Variants in MECR observed in about 807,000 individuals in gnomAD.
MECR encodes mitochondrial trans-2-enoyl-CoA reductase.
In MECR, 37 loss-of-function variants were observed where a neutral mutation model predicts 49.1. That is an observed-to-expected ratio of 0.75 (90% CI 0.58 to 0.99). The LOEUF (loss-of-function observed/expected upper bound fraction) is 0.99, where lower values mean the gene tolerates loss of function less well. Ranked by LOEUF, MECR falls within the 50% of genes least tolerant of loss-of-function variation. The pLI, the probability that MECR is intolerant of heterozygous loss-of-function variation, is 0.00. For synonymous variants in MECR, 198 were observed against 191.1 expected (o/e 1.04, Z -0.30); for missense variants, 470 against 479.6 (o/e 0.98, Z 0.19).
intron 2 of MECR, 52 bp from the exon 3 acceptor site, chr1:29,216,188 G>C: frequency 1.2e-6 from 2 of 1,607,382 alleles, no homozygotes; most frequent in Non-Finnish European, 1.7e-6. Flanking sequence ...GGCAGTGAAA[G>C]AGCATGGACT....
At chr1:29,174,656 G>C in the MECR span, among the ~76,000 whole-genome samples, 1 of 150,404 alleles carries the variant, frequency 6.6e-6, no homozygotes, top group African/African-American at 2.4e-5. Context: ...AGAAAAGGGA[G>C]AGACTGTGCA....
At chr1:29,207,279 A>G (rs1185017302) in intron 3 of MECR, among the ~76,000 whole-genome samples, 1 of 151,848 alleles carries the variant, frequency 6.6e-6, no homozygotes, top group African/African-American at 2.4e-5. Context: ...ACTACCATAC[A>G]TGGCTAATTT....
In MECR at chr1:29,230,887, A is replaced by T. The variant is rs749351701; in HGVS notation, c.20T>A (p.Leu7Gln). 6.2e-7 allele frequency: 1 copy of T among 1,608,132 alleles called. No individual in the cohort carries two copies. The highest frequency in any genetic ancestry group is 8.5e-7 in the Non-Finnish European group (1 of 1,179,372). Residue 7 changes from leucine to glutamine, a missense_variant, in exon 1 of 10, where the codon CTG (leucine) becomes CAG (glutamine). Coordinates refer to ENST00000263702, the MANE Select transcript of MECR (RefSeq NM_016011.5). MWVCSTLWRVRTPARQW... is the reference protein window; with the variant it reads MWVCSTQWRVRTPARQW... ...CCGGGCGGGGGTTCGCACCCGCCACAGGGTACTGCAGACCCACATGCTCGC... is the reference window on the plus strand; with the variant it reads ...CCGGGCGGGGGTTCGCACCCGCCACTGGGTACTGCAGACCCACATGCTCGC...
At chr1:29,175,611 C>T in the MECR span, among the ~76,000 whole-genome samples, 6 of 130,408 alleles carry the variant, frequency 4.6e-5, no homozygotes, top group African/African-American at 1.7e-4. Context: ...AGGAGAATGG[C>T]GTGAACCCAG....
chr1:29,204,821 C>T (rs1447985653), intron 4 of MECR, among the ~76,000 whole-genome samples: 1 of 152,204 alleles, frequency 6.6e-6, no homozygotes, highest in African/African-American at 2.4e-5. Flanking sequence ...AGCAAAGGTC[C>T]CTGGTCACAG....
the MECR span, among the ~76,000 whole-genome samples, chr1:29,186,550 G>A: frequency 3.9e-5 from 6 of 152,184 alleles, no homozygotes; most frequent in Admixed American, 3.9e-4. Context: ...TAACAACAGT[G>A]CCTTTCACAT....
At chr1:29,203,043 C>T in intron 5 of MECR, 88 bp downstream of exon 5, 1 of 1,076,584 alleles carries the variant, frequency 9.3e-7, no homozygotes, top group Non-Finnish European at 1.3e-6. Context: ...TGCAAGGGCG[C>T]CCTCTGGTGG....
chr1:29,196,214 G>C lies in MECR; in HGVS notation c.875C>G (p.Pro292Arg). ...MVTYGGMAKQPVVASVSLLIF... is the reference protein window; with the variant it reads ...MVTYGGMAKQRVVASVSLLIF... Reference sequence around the variant, plus strand: ...CCAGCTTACCACAGAGGCTACGACGGGCTGCTTGGCCATCCCCCCATAGGT... The same window carrying C: ...CCAGCTTACCACAGAGGCTACGACGCGCTGCTTGGCCATCCCCCCATAGGT... Residue 292 changes from proline to arginine, a missense_variant, in exon 8 of 10, where the codon CCC becomes CGC. Pro to Arg is a moderately radical substitution (Grantham distance 103, BLOSUM62 -2). Coordinates refer to ENST00000263702, the MANE Select transcript of MECR (RefSeq NM_016011.5). The C allele has an allele frequency of 6.2e-7, 1 of 1,614,158 alleles. No individual in the cohort carries two copies. Among genetic ancestry groups the C allele is most frequent in the Non-Finnish European group, 8.5e-7 (1 of 1,180,018 alleles).
chr1:29,173,041 A>T, the MECR span: 1 of 151,644 alleles, frequency 6.6e-6, no homozygotes, highest in East Asian at 1.9e-4. Flanking sequence ...TCTTAAAAGG[A>T]TGCTTAATGA....
chr1:29,198,498 C>T (rs1178664911), intron 7 of MECR, among the ~76,000 whole-genome samples: 5 of 152,208 alleles, frequency 3.3e-5, no homozygotes, highest in Admixed American at 1.3e-4. Flanking sequence ...TGAGGTCTGC[C>T]GCAGGGGTTG....
At chr1:29,182,350 G>A in the MECR span, among the ~76,000 whole-genome samples, 1 of 152,104 alleles carries the variant, frequency 6.6e-6, no homozygotes, top group Non-Finnish European at 1.5e-5. Context: ...ACCTTCCAGA[G>A]TTGTCTTGAG....
chr1:29,225,549 G>A (rs577224294), intron 1 of MECR, among the ~76,000 whole-genome samples: 1 of 152,138 alleles, frequency 6.6e-6, no homozygotes, highest in East Asian at 1.9e-4. Flanking sequence ...TGAGGGCAAC[G>A]ACCACAACAG....
rs116966553 is a variant in MECR at position 29,204,008 on chromosome 1, G to A, written c.551-775C>T. 3.0e-4 allele frequency among the ~76,000 whole-genome samples: 45 copies of A among 152,290 alleles called. 1 individual carries two copies. The East Asian group carries it at 8.3e-3, about 28-fold the overall frequency. On this transcript the variant is annotated intron_variant, in intron 4 of 9. Transcript: ENST00000263702. ...GGGCTCTGGAATGAGACAGATCTGG[G>A]CATGAGTCTCAGTTTCACCAATGAT...
intron 1 of MECR, among the ~76,000 whole-genome samples, chr1:29,217,816 G>C (rs142118479): frequency 6.6e-6 from 1 of 152,188 alleles, no homozygotes; most frequent in Admixed American, 6.5e-5. Flanking sequence ...GAGTGTGGGC[G>C]TAATGGGGAG....
intron 3 of MECR, among the ~76,000 whole-genome samples, chr1:29,209,556 G>A (rs1185043557): frequency 6.6e-6 from 1 of 152,200 alleles, no homozygotes; most frequent in Non-Finnish European, 1.5e-5. Flanking sequence ...CCTAGTCTGG[G>A]ACTTTGGCAG....
intron 2 of MECR, 136 bp from the exon 3 acceptor site, chr1:29,216,272 C>T (rs1679385573): frequency 5.0e-6 from 5 of 992,124 alleles, no homozygotes; most frequent in South Asian, 1.6e-5. Context: ...TGAGCCTTAG[C>T]TTGCTTGTCT....
chr1:29,223,153 C>T (rs574005854), intron 1 of MECR: 101 of 985,300 alleles, frequency 1.0e-4, no homozygotes, highest in Middle Eastern at 5.2e-4. Flanking sequence ...TCACGTCCTC[C>T]GTGAATGTAA....
chr1:29,203,473 A>G lies in MECR; in HGVS notation c.551-240T>C, dbSNP rs74690310. On this transcript the variant is annotated intron_variant, in intron 4 of 9. Transcript: ENST00000263702. ...TGGCAACTCAGCATCTACACTGGAT[A>G]TAATTTAGACCCTGCCCTGCTATGT... 1.9e-3 allele frequency among the ~76,000 whole-genome samples: 290 copies of G among 152,364 alleles called. 8 individuals are homozygous for G. In the East Asian group the frequency reaches 0.052, roughly 28 times the overall value.
chr1:29,206,876 C>A lies in MECR; in HGVS notation c.436G>T (p.Glu146Ter). 1 of 1,614,138 alleles carries A rather than the reference C, an allele frequency of 6.2e-7. No individual in the cohort carries two copies. Among genetic ancestry groups the A allele is most frequent in the Non-Finnish European group, 8.5e-7 (1 of 1,180,026 alleles). ...CTCGGAACTTGGATCAGTGCTTCCT[C>A]GCTGAACACAGCCTCGGTCCGCCAG... ...GTWRTEAVFSEEALIQVPSDI... is the reference protein window; with the variant it reads ...GTWRTEAVFS The change falls in exon 4 of 10, where the codon GAG becomes TAG. Residue 146 changes from glutamate to a stop codon, truncating the protein, a stop_gained. Transcript: ENST00000263702. LOFTEE classifies it high-confidence loss of function.
Sources: allele counts gnomAD v4.1 joint callset (sites outside exome capture counted in the v4.1 genomes callset), GRCh38; gene constraint gnomAD v4.1.1; transcripts MANE v1.5; gene names NCBI Gene and HGNC (gene_info 2026-07-23, HGNC 2026-07-21).